Variants in SAMD5 observed in about 807,000 individuals in gnomAD.
The protein encoded by SAMD5 is sterile alpha motif domain-containing protein 5.
SAMD5 carries 13 observed loss-of-function variants against 11.3 expected under a neutral mutation model. The observed-to-expected ratio is 1.15, with a 90% CI of 0.75 to 1.83. SAMD5 has a LOEUF of 1.83. Ranked by LOEUF, SAMD5 falls within the 40% of genes most tolerant of loss-of-function variation. The pLI, the probability that SAMD5 is intolerant of heterozygous loss-of-function variation, is 0.00. For synonymous variants in SAMD5, 129 were observed against 111.3 expected, an observed-to-expected ratio of 1.16 and a Z score of -1.00; for missense variants, 255 against 239.1, an observed-to-expected ratio of 1.07 and a Z score of -0.44.
At chr6:147,937,462 T>A in the SAMD5 span, among the ~76,000 whole-genome samples, 1 of 152,220 alleles carries the variant, frequency 6.6e-6, no homozygotes, top group East Asian at 1.9e-4. Flanking sequence ...AGATAGGGAC[T>A]CTCTTTAGAA....
chr6:147,803,436 A>G, the SAMD5 span, among the ~76,000 whole-genome samples: 2 of 152,226 alleles, frequency 1.3e-5, no homozygotes, highest in East Asian at 1.9e-4. Flanking sequence ...CAGTTCTTTC[A>G]TCTGTCTTCC....
the SAMD5 span, among the ~76,000 whole-genome samples, chr6:147,811,748 G>A: frequency 6.6e-6 from 1 of 151,610 alleles, no homozygotes; most frequent in Admixed American, 6.6e-5. Context: ...TAGATACTGA[G>A]AATGAGTCAC....
At chr6:147,935,968 G>A in the SAMD5 span, among the ~76,000 whole-genome samples, 1 of 152,152 alleles carries the variant, frequency 6.6e-6, no homozygotes, top group African/African-American at 2.4e-5. Flanking sequence ...TCCCTGGGTA[G>A]CCTTAGCCAG....
chr6:147,797,537 G>A, the SAMD5 span, among the ~76,000 whole-genome samples: 4 of 72,622 alleles, frequency 5.5e-5, 1 homozygote, highest in Non-Finnish European at 9.5e-5. Flanking sequence ...CTCTTTTTTG[G>A]TTGTGTCTCT....
the SAMD5 span, among the ~76,000 whole-genome samples, chr6:147,945,101 C>A: frequency 6.6e-6 from 1 of 152,216 alleles, no homozygotes; most frequent in African/African-American, 2.4e-5. Flanking sequence ...CCCACAGCTC[C>A]AACTCTCCAG....
At chr6:147,923,709 G>A in the SAMD5 span, among the ~76,000 whole-genome samples, 3 of 152,134 alleles carry the variant, frequency 2.0e-5, no homozygotes, top group Non-Finnish European at 4.4e-5. Flanking sequence ...TTCAGTACAC[G>A]ATGTGGTTCC....
At chr6:147,517,028 A>G (rs1026046265) in intron 1 of SAMD5, among the ~76,000 whole-genome samples, 1 of 152,152 alleles carries the variant, frequency 6.6e-6, no homozygotes, top group Non-Finnish European at 1.5e-5. Flanking sequence ...ATGTCACTGG[A>G]CCCCTGCAGT....
At chr6:147,926,472 C>CAT in the SAMD5 span, among the ~76,000 whole-genome samples, 91,696 of 151,792 alleles carry the variant, frequency 0.6, 28,808 homozygotes, top group African/African-American at 0.79. Flanking sequence ...TTGTTGGACA[C>CAT]GTGTGTCTTC....
At chr6:147,622,586 C>T (rs1789986829) in intron 1 of SAMD5, among the ~76,000 whole-genome samples, 1 of 152,152 alleles carries the variant, frequency 6.6e-6, no homozygotes, top group African/African-American at 2.4e-5. Flanking sequence ...GGGATAGAGT[C>T]TGGGACTGTC....
the SAMD5 span, among the ~76,000 whole-genome samples, chr6:147,830,590 A>G: frequency 6.6e-6 from 1 of 152,054 alleles, no homozygotes; most frequent in Admixed American, 6.6e-5. Context: ...TTCTTTTGCT[A>G]ATAAGAGACA....
chr6:147,573,561 A>C (rs1011745308), downstream of SAMD5, among the ~76,000 whole-genome samples: 1 of 152,234 alleles, frequency 6.6e-6, no homozygotes, highest in Non-Finnish European at 1.5e-5. Context: ...ACACACAGCC[A>C]AACTATGTCA....
chr6:147,914,369 G>T, the SAMD5 span, among the ~76,000 whole-genome samples: 1 of 152,028 alleles, frequency 6.6e-6, no homozygotes, highest in African/African-American at 2.4e-5. Flanking sequence ...TAACCACAAG[G>T]CATTGAAGTC....
At chr6:147,801,516 C>G in the SAMD5 span, among the ~76,000 whole-genome samples, 25 of 152,164 alleles carry the variant, frequency 1.6e-4, no homozygotes, top group Non-Finnish European at 1.9e-4. Context: ...TTCTCCAAAG[C>G]CTTCTTTTCT....
At chr6:147,931,423 T>C in the SAMD5 span, among the ~76,000 whole-genome samples, 51,190 of 152,010 alleles carry the variant, frequency 0.34, 9,207 homozygotes, top group South Asian at 0.52. Flanking sequence ...TCAAAATTGT[T>C]TACTAGAAGT....
chr6:147,630,202 G>C (rs939570040), intron 1 of SAMD5, among the ~76,000 whole-genome samples: 1 of 152,080 alleles, frequency 6.6e-6, no homozygotes, highest in African/African-American at 2.4e-5. Flanking sequence ...GCCCGCCTCA[G>C]CTTCCCAAAG....
At chr6:147,883,579 A>T in the SAMD5 span, among the ~76,000 whole-genome samples, 1 of 152,140 alleles carries the variant, frequency 6.6e-6, no homozygotes, top group Non-Finnish European at 1.5e-5. Flanking sequence ...TTAATCTCTG[A>T]GATTATGTAG....
the SAMD5 span, among the ~76,000 whole-genome samples, chr6:147,904,371 G>C: frequency 1.3e-5 from 2 of 152,136 alleles, no homozygotes; most frequent in Non-Finnish European, 2.9e-5. Context: ...GGCTAGACTA[G>C]AGCTACAGGA....
At chr6:147,615,293 C>T (rs984166106) in intron 1 of SAMD5, among the ~76,000 whole-genome samples, 1 of 152,082 alleles carries the variant, frequency 6.6e-6, no homozygotes, top group Non-Finnish European at 1.5e-5. Context: ...GACACTAGCC[C>T]TGATTTTATA....
At chr6:147,950,524 G>C in the SAMD5 span, among the ~76,000 whole-genome samples, 1 of 152,100 alleles carries the variant, frequency 6.6e-6, no homozygotes, top group Non-Finnish European at 1.5e-5. Context: ...CTCACATTTG[G>C]CCCCGACCTG....
Sources: gnomAD v4.1 joint callset for allele counts (sites outside exome capture counted in the v4.1 genomes callset) on GRCh38, gnomAD v4.1.1 for gene constraint, MANE v1.5 for transcripts, NCBI Gene and HGNC (gene_info 2026-07-23, HGNC 2026-07-21) for gene names.